Variants in MAN1C1 observed in about 807,000 individuals in gnomAD.
The protein encoded by MAN1C1 is mannosyl-oligosaccharide 1,2-alpha-mannosidase IC.
MAN1C1 carries 49 observed loss-of-function variants against 71.5 expected under a neutral mutation model. The observed-to-expected ratio is 0.69, with a 90% CI of 0.54 to 0.87. MAN1C1 has a LOEUF of 0.87. Ranked by LOEUF, MAN1C1 falls within the 40% of genes least tolerant of loss-of-function variation. MAN1C1 has a pLI of 0.00. For missense variants in MAN1C1, 743 were observed against 835.0 expected, an observed-to-expected ratio of 0.89 and a Z score of 1.36; for synonymous variants, 352 against 343.7, an observed-to-expected ratio of 1.02 and a Z score of -0.27.
chr1:25,633,189 A>G (rs1388635842), intron 1 of MAN1C1, among the ~76,000 whole-genome samples: 3 of 152,162 alleles, frequency 2.0e-5, no homozygotes, highest in Admixed American at 1.3e-4. Context: ...TTAAAAATGT[A>G]TTGAGACTTG....
In MAN1C1 at chr1:25,775,166, C is replaced by T. The variant is rs1298526460; in HGVS notation, c.1258-2939C>T. Reference sequence around the variant, plus strand: ...TCCAAAGTGTTGACAACTGGTGACTCGGACCCAGGTTTCTGAGCCCTGACA... The same window carrying T: ...TCCAAAGTGTTGACAACTGGTGACTTGGACCCAGGTTTCTGAGCCCTGACA... On this transcript the variant is annotated intron_variant, in intron 8 of 11. Transcript: ENST00000374332. The surrounding 1 kb of genome is among the most constrained non-coding windows in gnomAD (Gnocchi z 5.1). Among the ~76,000 whole-genome samples the T allele has an allele frequency of 1.3e-5, 2 of 152,196 alleles. No individual in the cohort carries two copies. Among genetic ancestry groups the T allele is most frequent in the East Asian group, 1.9e-4 (1 of 5,188 alleles).
intron 2 of MAN1C1, among the ~76,000 whole-genome samples, chr1:25,726,498 A>G (rs1289043920): frequency 6.6e-6 from 1 of 152,118 alleles, no homozygotes; most frequent in Non-Finnish European, 1.5e-5. Context: ...GGTGACCAGC[A>G]TGTGTGCATT....
chr1:25,782,470 G>A lies in MAN1C1; in HGVS notation c.1651-115G>A. 1 of 659,538 alleles carries A rather than the reference G, an allele frequency of 1.5e-6. No homozygotes were observed. The highest frequency in any genetic ancestry group is 1.8e-5 in the South Asian group (1 of 54,758). 40.9% of individuals were successfully genotyped at this position (659,538 alleles called of 1,614,324 possible). A position where few individuals can be genotyped will look rare whatever the true frequency, so the allele number is the denominator to read the frequency against. ...AATGCCAGGAGTCCCCAGCCAAGGG[G>A]TGGGGGTGCTGTCTGCTTTCTTCTA... On this transcript the variant is annotated intron_variant, in intron 10 of 11. Coordinates refer to ENST00000374332, the MANE Select transcript of MAN1C1 (RefSeq NM_020379.4). The surrounding 1 kb of genome is among the most constrained non-coding windows in gnomAD (Gnocchi z 4.4).
chr1:25,726,912 C>T (rs1447874545), intron 2 of MAN1C1, among the ~76,000 whole-genome samples: 1 of 138,852 alleles, frequency 7.2e-6, no homozygotes, highest in African/African-American at 3.1e-5. Context: ...AAAAAAAAAG[C>T]CAACTGCGGT....
intron 2 of MAN1C1, among the ~76,000 whole-genome samples, chr1:25,733,585 A>G (rs2046939672): frequency 6.6e-6 from 1 of 152,042 alleles, no homozygotes; most frequent in Non-Finnish European, 1.5e-5. Context: ...GTTTTTCTGC[A>G]TCACACACGT....
chr1:25,682,905 G>T (rs1408248900), intron 1 of MAN1C1, among the ~76,000 whole-genome samples: 1 of 152,052 alleles, frequency 6.6e-6, no homozygotes, highest in African/African-American at 2.4e-5. Flanking sequence ...GAGCGTGGTG[G>T]CACGTGTCTG....
At chr1:25,689,078 G>A (rs754598183) in intron 2 of MAN1C1, among the ~76,000 whole-genome samples, 33 of 152,286 alleles carry the variant, frequency 2.2e-4, no homozygotes, top group African/African-American at 4.8e-4. Flanking sequence ...GGGGAAAGCC[G>A]GTCTTGATTG....
intron 1 of MAN1C1, chr1:25,659,204 A>G (rs1482248537): frequency 6.6e-6 from 1 of 152,132 alleles, no homozygotes; most frequent in Non-Finnish European, 1.5e-5. Context: ...CTTCAGAGTC[A>G]AGGCTGTTTG....
intron 1 of MAN1C1, among the ~76,000 whole-genome samples, chr1:25,674,346 T>C (rs538106555): frequency 2.6e-5 from 4 of 152,332 alleles, no homozygotes; most frequent in African/African-American, 9.6e-5. Flanking sequence ...TCCTTAGTCA[T>C]TTAATCAACA....
chr1:25,683,797 C>T (rs561705044), intron 1 of MAN1C1, among the ~76,000 whole-genome samples: 1 of 152,278 alleles, frequency 6.6e-6, no homozygotes, highest in South Asian at 2.1e-4. Flanking sequence ...CCTTCATCCC[C>T]TGTCCCCTGC....
chr1:25,703,635 C>T (rs1240584481), intron 2 of MAN1C1, among the ~76,000 whole-genome samples: 1 of 151,986 alleles, frequency 6.6e-6, no homozygotes, highest in Non-Finnish European at 1.5e-5. Context: ...GAGCCGAGAT[C>T]GTGCCATTGC....
chr1:25,635,990 G>A (rs1432216160), intron 1 of MAN1C1, among the ~76,000 whole-genome samples: 2 of 152,162 alleles, frequency 1.3e-5, no homozygotes, highest in African/African-American at 4.8e-5. Context: ...CATATCGGTA[G>A]GACCGTGATG....
At chr1:25,686,637 G>C in intron 2 of MAN1C1, 101 bp downstream of exon 2, 1 of 962,424 alleles carries the variant, frequency 1.0e-6, no homozygotes, top group Non-Finnish European at 1.6e-6. Context: ...GAGCTGTGGG[G>C]GCTCCACAGT....
rs537709807 is a variant in MAN1C1 at position 25,725,332 on chromosome 1, C to G, written c.638-21336C>G. Among the ~76,000 whole-genome samples, 1 of 152,204 alleles carries G rather than the reference C, an allele frequency of 6.6e-6. No individual in the cohort carries two copies. The highest frequency in any genetic ancestry group is 2.1e-4 in the South Asian group (1 of 4,828). The stretch of plus-strand genomic sequence containing the variant: ...TAGAGATGCAAAGGTGCACTGGCCA[C>G]GTCCCTTGCCTCGAAAGAGTTCTCT... On this transcript the variant is annotated intron_variant, in intron 2 of 11. Coordinates refer to ENST00000374332, the MANE Select transcript of MAN1C1 (RefSeq NM_020379.4). The surrounding 1 kb of genome is among the most constrained non-coding windows in gnomAD (Gnocchi z 4.8).
chr1:25,746,169 G>A lies in MAN1C1; in HGVS notation c.638-499G>A, dbSNP rs1014849271. On this transcript the variant is annotated intron_variant, in intron 2 of 11. Coordinates refer to ENST00000374332, the MANE Select transcript of MAN1C1 (RefSeq NM_020379.4). This position sits in a 1 kb window ranked among gnomAD's most constrained non-coding sequence, Gnocchi z 4.0. ...AAAATACAAAAATTATCTGGGCGTG[G>A]TGGTGGACACCTGTGGTCCCAGCTA... is the stretch of plus-strand genomic sequence containing the variant. 6.6e-6 allele frequency among the ~76,000 whole-genome samples: 1 copy of A among 152,100 alleles called. No individual in the cohort carries two copies. Among genetic ancestry groups the A allele is most frequent in the Admixed American group, 6.6e-5 (1 of 15,264 alleles).
chr1:25,755,793 G>A (rs941153552), intron 5 of MAN1C1, among the ~76,000 whole-genome samples: 2 of 152,222 alleles, frequency 1.3e-5, no homozygotes, highest in Non-Finnish European at 2.9e-5. Flanking sequence ...GTGGGAAGGG[G>A]CATTGTGGAG....
chr1:25,667,073 GAGA>G (rs777793652), intron 1 of MAN1C1, among the ~76,000 whole-genome samples: 26 of 152,350 alleles, frequency 1.7e-4, no homozygotes, highest in Admixed American at 1.2e-3. Context: ...AGCAGACCTA[GAGA>G]AGGTGTATTC....
chr1:25,620,998 C>T (rs796476145), intron 1 of MAN1C1, among the ~76,000 whole-genome samples: 8 of 152,352 alleles, frequency 5.3e-5, no homozygotes, highest in African/African-American at 1.7e-4. Flanking sequence ...AGGAGACCCA[C>T]AGAACATGGG....
chr1:25,714,793 G>A (rs1195769130), intron 2 of MAN1C1, among the ~76,000 whole-genome samples: 3 of 152,196 alleles, frequency 2.0e-5, no homozygotes, highest in African/African-American at 7.2e-5. Flanking sequence ...AGGAAGTGGA[G>A]TTAATGCCAC....
Sources: allele counts gnomAD v4.1 joint callset (sites outside exome capture counted in the v4.1 genomes callset), GRCh38; gene constraint gnomAD v4.1.1; non-coding constraint Gnocchi (gnomAD v3.1); transcripts MANE v1.5; gene names NCBI Gene and HGNC (gene_info 2026-07-23, HGNC 2026-07-21).